Variants in GPAM observed in about 807,000 individuals in gnomAD.
GPAM encodes glycerol-3-phosphate acyltransferase, mitochondrial.
In GPAM, 56 loss-of-function variants were observed where a neutral mutation model predicts 105.0. That is an observed-to-expected ratio of 0.53 (90% CI 0.43 to 0.67). The LOEUF is 0.67. Among genes scored for constraint, GPAM ranks in the 30% least tolerant of loss-of-function variants. The pLI is 0.00. For synonymous variants in GPAM, 368 were observed against 354.4 expected, an observed-to-expected ratio of 1.04 and a Z score of -0.43; for missense variants, 855 against 989.8, an observed-to-expected ratio of 0.86 and a Z score of 1.83.
chr10:112,222,775 C>T, the GPAM span, among the ~76,000 whole-genome samples: 1 of 152,116 alleles, frequency 6.6e-6, no homozygotes, highest in African/African-American at 2.4e-5. Context: ...AGGTTGAGAA[C>T]AATGTTCTCT....
upstream of GPAM, among the ~76,000 whole-genome samples, chr10:112,186,321 CA>C (rs972915487): frequency 1.1e-4 from 16 of 150,056 alleles, no homozygotes; most frequent in African/African-American, 3.9e-4. Flanking sequence ...TTATATATAT[CA>C]AAAAAATAAA....
At position 112,174,040 on chromosome 10, in the gene GPAM, T is replaced by C. The variant is rs149303913; in HGVS notation, c.414-195A>G. ...TTAAATATTAAGAATACTATATTCC[T>C]AAATCAATGAATCTCTGAGGAATCT... is the stretch of plus-strand genomic sequence containing the variant. On this transcript the variant is annotated intron_variant, in intron 6 of 21. Transcript: ENST00000348367. Among the ~76,000 whole-genome samples, 529 of 152,304 alleles carry C rather than the reference T, an allele frequency of 3.5e-3. 5 individuals carry two copies. Among genetic ancestry groups the C allele is most frequent in the African/African-American group, 0.011 (464 of 41,572 alleles).
chr10:112,226,649 A>C, the GPAM span, among the ~76,000 whole-genome samples: 1 of 152,196 alleles, frequency 6.6e-6, no homozygotes, highest in Admixed American at 6.5e-5. Flanking sequence ...TTGGTGATCA[A>C]ACAGAGAAAC....
chr10:112,167,139 A>G (rs1009299918), intron 11 of GPAM, among the ~76,000 whole-genome samples: 1 of 152,168 alleles, frequency 6.6e-6, no homozygotes, highest in Non-Finnish European at 1.5e-5. Flanking sequence ...CATACAGATC[A>G]TATCACTTAA....
intron 1 of GPAM, among the ~76,000 whole-genome samples, chr10:112,199,440 G>T (rs112869857): frequency 2.0e-5 from 3 of 152,112 alleles, no homozygotes; most frequent in Non-Finnish European, 4.4e-5. Flanking sequence ...GAAAGTTTCC[G>T]TTAGGAGGAG....
In GPAM at chr10:112,175,583, C is replaced by A. The variant is rs1421317502; in HGVS notation, c.413+17G>T. 1 of 1,376,406 alleles carries A rather than the reference C, an allele frequency of 7.3e-7. No individual in the cohort carries two copies. The highest frequency in any genetic ancestry group is 1.0e-6 in the Non-Finnish European group (1 of 962,730). 85.3% of individuals were successfully genotyped at this position (1,376,406 alleles called of 1,614,324 possible). A position where few individuals can be genotyped will look rare whatever the true frequency, so the allele number is the denominator to read the frequency against. On this transcript the variant is annotated intron_variant, in intron 6 of 21. Transcript: ENST00000348367. ...ATCCCTGCCTCTTCCCACCTTTACACCTTGCCCCGCCCTTACCTACTGCTG... is the reference window on the plus strand; with the variant it reads ...ATCCCTGCCTCTTCCCACCTTTACAACTTGCCCCGCCCTTACCTACTGCTG...
chr10:112,169,017 G>A, intron 9 of GPAM, 65 bp from the exon 10 acceptor site: 1 of 1,090,006 alleles, frequency 9.2e-7, no homozygotes, highest in Non-Finnish European at 1.4e-6. Context: ...CACATTCCAA[G>A]TTAATTGAAA....
the GPAM span, among the ~76,000 whole-genome samples, chr10:112,225,930 A>G: frequency 1.3e-5 from 2 of 152,224 alleles, no homozygotes; most frequent in African/African-American, 4.8e-5. Flanking sequence ...AGGAATCACA[A>G]GTAGCCTTGT....
rs539982217 is a variant in GPAM, at chr10:112,177,547, T to C, written c.299+437A>G. Among the ~76,000 whole-genome samples, 88 of 152,306 alleles carry C rather than the reference T, an allele frequency of 5.8e-4. 1 individual carries two copies. Among genetic ancestry groups the C allele is most frequent in the Middle Eastern group, 3.4e-3 (1 of 294 alleles). On this transcript the variant is annotated intron_variant, in intron 5 of 21. Coordinates refer to ENST00000348367, the MANE Select transcript of GPAM (RefSeq NM_001244949.2). ...AACTCTAAGTAAAGTCTTGGGTAAA[T>C]AGTAACTCAAACAACATTTGCTCAA...
chr10:112,211,679 G>T, intron 1 of GPAM, among the ~76,000 whole-genome samples: 1 of 152,062 alleles, frequency 6.6e-6, no homozygotes, highest in South Asian at 2.1e-4. Flanking sequence ...TATTCTACCC[G>T]CTGTGTGCCT....
chr10:112,150,089 G>A lies in GPAM; in HGVS notation c.*3461C>T, dbSNP rs374082485. ...ATCAAGACATTTCAGAGCTCTAGAC[G>A]TTTAGAAATAAGGTCAAGAATCTCT... On this transcript the variant is annotated 3_prime_UTR_variant, in exon 22 of 22. Transcript: ENST00000348367. 19 of 983,428 alleles carry A rather than the reference G, an allele frequency of 1.9e-5. No individual in the cohort carries two copies. Among genetic ancestry groups the A allele is most frequent in the South Asian group, 1.9e-4 (4 of 21,240 alleles). The allele number at this position is 983,428 out of a possible 1,614,324, so 60.9% of individuals were successfully genotyped here. A position where few individuals can be genotyped will look rare whatever the true frequency, so the allele number is the denominator to read the frequency against.
intron 14 of GPAM, 128 bp downstream of exon 14, chr10:112,163,573 T>G: frequency 1.5e-6 from 1 of 683,112 alleles, no homozygotes; most frequent in Non-Finnish European, 2.7e-6. Context: ...TTCTAATAAC[T>G]TACCTATCAC....
Position 112,152,748 on chromosome 10 carries a change from T to C in GPAM, c.*802A>G, listed in dbSNP as rs1245885624. Reference sequence around the variant, plus strand: ...TACAGACATAAAACAGGAAGGGTTCTAAATATATTTGCTGGTCATTTGAAA... The same window carrying C: ...TACAGACATAAAACAGGAAGGGTTCCAAATATATTTGCTGGTCATTTGAAA... On this transcript the variant is annotated 3_prime_UTR_variant, in exon 22 of 22. Transcript: ENST00000348367. 9 of 935,506 alleles carry C rather than the reference T, an allele frequency of 9.6e-6. No individual in the cohort carries two copies. Among genetic ancestry groups the C allele is most frequent in the Non-Finnish European group, 1.1e-5 (9 of 784,480 alleles). The allele number at this position is 935,506 out of a possible 1,614,324, so 58.0% of individuals were successfully genotyped here. A position where few individuals can be genotyped will look rare whatever the true frequency, so the allele number is the denominator to read the frequency against.
chr10:112,160,062 A>C lies in GPAM; in HGVS notation c.1760-9T>G, dbSNP rs750566794. The C allele has an allele frequency of 1.9e-6, 3 of 1,614,096 alleles. No homozygotes were observed. Among genetic ancestry groups the C allele is most frequent in the Non-Finnish European group, 2.5e-6 (3 of 1,179,980 alleles). Reference sequence around the variant, plus strand: ...TGCATAAAGGCTGCAAGCTAAGAAAAGAAAAGCAACAATGAAGTTGCCAGC... The same window carrying C: ...TGCATAAAGGCTGCAAGCTAAGAAACGAAAAGCAACAATGAAGTTGCCAGC... On this transcript the variant is annotated splice_polypyrimidine_tract_variant and intron_variant, in intron 16 of 21. Transcript: ENST00000348367.
In GPAM at chr10:112,173,818, A is replaced by T; in HGVS notation, c.441T>A (p.Ala147=). Residue 147 remains alanine (A), a synonymous_variant, in exon 7 of 22, where the codon GCT becomes GCA. Coordinates refer to ENST00000348367, the MANE Select transcript of GPAM (RefSeq NM_001244949.2). ...SRVQEAIAEV[A]AELNPDGSAQ... Reference sequence around the variant, plus strand: ...CAGAACCATCAGGGTTTAATTCAGCAGCCACTTCTGCAATTGCCTCTTGTA... The same window carrying T: ...CAGAACCATCAGGGTTTAATTCAGCTGCCACTTCTGCAATTGCCTCTTGTA... The T allele has an allele frequency of 1.2e-6, 2 of 1,613,420 alleles. No individual in the cohort carries two copies. Among genetic ancestry groups the T allele is most frequent in the Non-Finnish European group, 1.7e-6 (2 of 1,179,362 alleles).
At chr10:112,207,191 G>C (rs1847861659) in intron 1 of GPAM, among the ~76,000 whole-genome samples, 1 of 152,194 alleles carries the variant, frequency 6.6e-6, no homozygotes, top group African/African-American at 2.4e-5. Flanking sequence ...GGCATCTAGT[G>C]CTTAGAGACA....
intron 1 of GPAM, among the ~76,000 whole-genome samples, chr10:112,205,013 T>C (rs374463896): frequency 9.4e-5 from 3 of 31,810 alleles, no homozygotes; most frequent in Admixed American, 3.7e-4. Context: ...AGCATTCTTA[T>C]ACACCAACAA....
At chr10:112,213,962 T>G (rs1321466982) in intron 1 of GPAM, among the ~76,000 whole-genome samples, 1 of 152,162 alleles carries the variant, frequency 6.6e-6, no homozygotes, top group African/African-American at 2.4e-5. Flanking sequence ...TCTTGGCAGT[T>G]TCCATAAATT....
intron 10 of GPAM, 53 bp from the exon 11 acceptor site, chr10:112,168,577 T>C: frequency 3.3e-6 from 4 of 1,198,278 alleles, no homozygotes; most frequent in Non-Finnish European, 5.0e-6. Context: ...CAACTTAGAA[T>C]GAGCTCAGAA....
Sources: gnomAD v4.1 joint callset for allele counts (sites outside exome capture counted in the v4.1 genomes callset) on GRCh38, gnomAD v4.1.1 for gene constraint, MANE v1.5 for transcripts, NCBI Gene and HGNC (gene_info 2026-07-23, HGNC 2026-07-21) for gene names.